WDR62: variants seen among roughly 807,000 people sequenced by gnomAD.
The protein encoded by WDR62 is WD repeat-containing protein 62.
Under a neutral mutation model 160.6 loss-of-function variants are expected in WDR62, and 112 were observed. That is an observed-to-expected ratio of 0.70 (90% CI 0.60 to 0.82). The LOEUF is 0.82. Ranked by LOEUF, WDR62 falls within the 40% of genes least tolerant of loss-of-function variation. The pLI is 0.00. For synonymous variants in WDR62, 792 were observed against 815.1 expected (o/e 0.97, Z 0.48); for missense variants, 1,819 against 1,983.8 (o/e 0.92, Z 1.58).
intron 1 of WDR62, among the ~76,000 whole-genome samples, 177 bp downstream of exon 1, chr19:36,055,325 C>T (rs6510515): frequency 1.3e-5 from 2 of 151,946 alleles, no homozygotes; most frequent in Non-Finnish European, 2.9e-5. Flanking sequence ...ACTTTCTCCT[C>T]GCTGCTTTCC....
intron 15 of WDR62, among the ~76,000 whole-genome samples, 172 bp from the exon 16 acceptor site, chr19:36,090,273 A>G (rs1455178411): frequency 6.6e-6 from 1 of 152,186 alleles, no homozygotes; most frequent in Non-Finnish European, 1.5e-5. Context: ...AACTCAGTGG[A>G]TACCCCAGGA....
At chr19:36,058,755 T>G (rs1970492314) in intron 1 of WDR62, 25 bp from the exon 2 acceptor site, 1 of 1,608,584 alleles carries the variant, frequency 6.2e-7, no homozygotes, top group Non-Finnish European at 8.5e-7. Flanking sequence ...GGTGGGTGCC[T>G]CTGACTTGGG....
At chr19:36,096,168 G>A (rs909380989) in intron 20 of WDR62, among the ~76,000 whole-genome samples, 2 of 152,054 alleles carry the variant, frequency 1.3e-5, no homozygotes, top group Admixed American at 6.6e-5. Flanking sequence ...ATAGCTCACT[G>A]TAGCCTTGAC....
intron 1 of WDR62, among the ~76,000 whole-genome samples, chr19:36,055,645 A>G (rs1970322740): frequency 6.6e-6 from 1 of 151,824 alleles, no homozygotes; most frequent in South Asian, 2.1e-4. Flanking sequence ...CTTAATCCAT[A>G]TTGTCACTCA....
At chr19:36,062,678 TAATC>T (rs1171847703) in intron 3 of WDR62, 7 of 131,550 alleles carry the variant, frequency 5.3e-5, no homozygotes, top group Non-Finnish European at 8.0e-5. Context: ...AAAAAAAACT[TAATC>T]AAATAAATAC....
intron 19 of WDR62, 115 bp downstream of exon 19, chr19:36,092,926 C>G (rs1407461003): frequency 2.0e-6 from 3 of 1,467,936 alleles, no homozygotes; most frequent in Admixed American, 1.7e-5. Flanking sequence ...CCTTAGCACA[C>G]TCACAGCTGA....
chr19:36,110,568 T>C, the WDR62 span, among the ~76,000 whole-genome samples: 11 of 152,140 alleles, frequency 7.2e-5, no homozygotes, highest in African/African-American at 2.4e-4. Context: ...GCTAGATTAT[T>C]AACAAACTAG....
At chr19:36,085,405 A>G (rs1029698588) in intron 12 of WDR62, among the ~76,000 whole-genome samples, 19 of 61,054 alleles carry the variant, frequency 3.1e-4, no homozygotes, top group African/African-American at 9.3e-4. Flanking sequence ...ATGAGCCACC[A>G]CACCTGACCT....
chr19:36,092,460 T>C (rs1052958119), intron 18 of WDR62, among the ~76,000 whole-genome samples: 2 of 152,184 alleles, frequency 1.3e-5, no homozygotes, highest in African/African-American at 2.4e-5. Flanking sequence ...CCTCAGGTCT[T>C]GAGGCCTCCA....
At chr19:36,090,702 C>T (rs1340057527) in intron 16 of WDR62, among the ~76,000 whole-genome samples, 182 bp downstream of exon 16, 1 of 152,164 alleles carries the variant, frequency 6.6e-6, no homozygotes, top group Admixed American at 6.5e-5. Flanking sequence ...GCTGTGTTTC[C>T]TTTATTTACA....
chr19:36,074,863 G>A (rs2145652394), intron 9 of WDR62, among the ~76,000 whole-genome samples: 1 of 152,268 alleles, frequency 6.6e-6, no homozygotes, highest in African/African-American at 2.4e-5. Flanking sequence ...CCTGCCCCCA[G>A]TTCTGCTCTC....
In WDR62 at chr19:36,102,818, C is replaced by T. The variant is rs147484315; in HGVS notation, c.3302C>T (p.Thr1101Met). ...HFFNPRLSISTQFLSSLQKAS... is the reference protein window; with the variant it reads ...HFFNPRLSISMQFLSSLQKAS... Reference sequence around the variant, plus strand: ...TTCAACCCACGCCTGAGTATCTCCACGCAGTTCCTCTCAAGCCTCCAGAAG... The same window carrying T: ...TTCAACCCACGCCTGAGTATCTCCATGCAGTTCCTCTCAAGCCTCCAGAAG... The change falls in exon 27 of 32, where the codon ACG becomes ATG. Residue 1101 changes from threonine to methionine, a missense_variant. By Grantham distance (81) the Thr-to-Met change is moderately conservative. Coordinates refer to ENST00000401500, the MANE Select transcript of WDR62 (RefSeq NM_001083961.2). The T allele has an allele frequency of 4.4e-5, 71 of 1,614,108 alleles. No individual in the cohort carries two copies. The highest frequency in any genetic ancestry group is 6.7e-5 in the African/African-American group (5 of 74,940).
At chr19:36,104,260 C>T (rs1973595473) in intron 30 of WDR62, among the ~76,000 whole-genome samples, 1 of 152,140 alleles carries the variant, frequency 6.6e-6, no homozygotes, top group Non-Finnish European at 1.5e-5. Context: ...CGAAGTGACA[C>T]ATGCTTAGGA....
chr19:36,073,132 C>T (rs746179022), intron 8 of WDR62, among the ~76,000 whole-genome samples: 4 of 152,080 alleles, frequency 2.6e-5, no homozygotes, highest in Non-Finnish European at 4.4e-5. Context: ...CTCTCGGGGC[C>T]AGGCAAAAAT....
In WDR62 at chr19:36,091,309, C is replaced by G. The variant is rs778867083; in HGVS notation, c.2144C>G (p.Ser715Ter). 3 of 1,614,030 alleles carry G rather than the reference C, an allele frequency of 1.9e-6. No individual in the cohort carries two copies. Among genetic ancestry groups the G allele is most frequent in the Non-Finnish European group, 2.5e-6 (3 of 1,179,990 alleles). The change falls in exon 17 of 32, where the codon TCA becomes TGA. Residue 715 changes from serine to a stop codon, truncating the protein, a stop_gained and splice_region_variant. Transcript: ENST00000401500. LOFTEE classifies it high-confidence loss of function. ...GECIAKMFGH[S>*]EIITSMKFTY... ...TGCATTGCCAAGATGTTTGGCCATT[C>G]AGGTGGGTGTGCCTCTCTGCTTGGG...
At chr19:36,058,089 T>G (rs1417920578) in intron 1 of WDR62, among the ~76,000 whole-genome samples, 1 of 152,200 alleles carries the variant, frequency 6.6e-6, no homozygotes, top group African/African-American at 2.4e-5. Context: ...CAGTGGCTCA[T>G]GCCTGTAATC....
At chr19:36,064,470 A>T (rs1970828956) in intron 3 of WDR62, among the ~76,000 whole-genome samples, 1 of 151,946 alleles carries the variant, frequency 6.6e-6, no homozygotes, top group Admixed American at 6.6e-5. Flanking sequence ...TAGTATAGAC[A>T]GGGTTTCACC....
intron 9 of WDR62, chr19:36,075,296 A>T (rs565112397): frequency 6.6e-6 from 1 of 152,314 alleles, no homozygotes; most frequent in African/African-American, 2.4e-5. Context: ...GGCCTCCCAA[A>T]GTGCTGGGAT....
chr19:36,093,255 G>C (rs1366562201), intron 19 of WDR62, among the ~76,000 whole-genome samples: 2 of 151,870 alleles, frequency 1.3e-5, no homozygotes, highest in African/African-American at 4.8e-5. Flanking sequence ...GCCAAGGGGA[G>C]GGGTGGGTAG....
Sources: gnomAD v4.1 joint callset for allele counts (sites outside exome capture counted in the v4.1 genomes callset) on GRCh38, gnomAD v4.1.1 for gene constraint, MANE v1.5 for transcripts, NCBI Gene and HGNC (gene_info 2026-07-23, HGNC 2026-07-21) for gene names.